The following ATP5MF variants were observed in gnomAD, a reference collection of about 807,000 sequenced individuals.
ATP5MF encodes ATP synthase membrane subunit f.
ATP5MF carries 10 observed loss-of-function variants against 13.8 expected under a neutral mutation model. That is an observed-to-expected ratio of 0.72 (90% confidence interval 0.45 to 1.23). The LOEUF (loss-of-function observed/expected upper bound fraction) is 1.23, where lower values mean the gene tolerates loss of function less well. Ranked by LOEUF, ATP5MF falls within the 50% of genes most tolerant of loss-of-function variation. The pLI, the probability that ATP5MF is intolerant of heterozygous loss-of-function variation, is 0.00. For missense variants in ATP5MF, 122 were observed against 118.2 expected (o/e 1.03, Z -0.15); for synonymous variants, 40 against 45.8 (o/e 0.87, Z 0.51).
chr7:99,464,667 AAAC>A (rs932876271), intron 1 of ATP5MF, among the ~76,000 whole-genome samples: 1 of 151,822 alleles, frequency 6.6e-6, no homozygotes, highest in Non-Finnish European at 1.5e-5. Flanking sequence ...CATCTCAAAA[AAAC>A]AAACCAGAGG....
intron 1 of ATP5MF, among the ~76,000 whole-genome samples, chr7:99,461,916 C>A (rs1483441956): frequency 6.6e-6 from 1 of 150,812 alleles, no homozygotes; most frequent in Non-Finnish European, 1.5e-5. Flanking sequence ...CCTCGGCCCC[C>A]CAAAGTGCTG....
At chr7:99,460,010 A>G in intron 2 of ATP5MF, 76 bp downstream of exon 2, 1 of 1,512,374 alleles carries the variant, frequency 6.6e-7, no homozygotes, top group Non-Finnish European at 8.9e-7. Context: ...TCATTGCCCA[A>G]ATTAATTCAT....
intron 1 of ATP5MF, among the ~76,000 whole-genome samples, chr7:99,463,349 C>T (rs1204906657): frequency 6.6e-6 from 1 of 152,176 alleles, no homozygotes; most frequent in Non-Finnish European, 1.5e-5. Flanking sequence ...TATTTTTAAA[C>T]AATCTTTTTA....
intron 1 of ATP5MF, among the ~76,000 whole-genome samples, chr7:99,465,861 C>T (rs1178492020): frequency 6.6e-6 from 1 of 152,218 alleles, no homozygotes; most frequent in Non-Finnish European, 1.5e-5. Context: ...CCCAAGGCGG[C>T]GCATTCCCAG....
At chr7:99,464,532 G>A (rs1025955746) in intron 1 of ATP5MF, among the ~76,000 whole-genome samples, 2 of 152,042 alleles carry the variant, frequency 1.3e-5, no homozygotes, top group African/African-American at 2.4e-5. Flanking sequence ...GCGGGGTGGC[G>A]GGCGCCTGTA....
chr7:99,460,326 A>C, intron 1 of ATP5MF, 133 bp from the exon 2 acceptor site: 2 of 976,620 alleles, frequency 2.0e-6, no homozygotes, highest in Non-Finnish European at 3.1e-6. Context: ...CACATACACA[A>C]TATTATGAAG....
At chr7:99,459,832 C>A (rs960294339) in intron 2 of ATP5MF, 4 of 469,080 alleles carry the variant, frequency 8.5e-6, no homozygotes, top group African/African-American at 8.0e-5. Context: ...CTTAGGATTT[C>A]TCTAAGACAG....
Position 99,460,275 on chromosome 7 carries a change from A to G in ATP5MF, c.32-82T>C, listed in dbSNP as rs1023249264. 18 of 1,481,162 alleles carry G rather than the reference A, an allele frequency of 1.2e-5. No homozygotes were observed. In the African/African-American group the frequency reaches 1.8e-4, roughly 15 times the overall value. 91.8% of individuals were successfully genotyped at this position (1,481,162 alleles called of 1,614,324 possible). A position where few individuals can be genotyped will look rare whatever the true frequency, so the allele number is the denominator to read the frequency against. On this transcript the variant is annotated intron_variant, in intron 1 of 3. Coordinates refer to ENST00000292475, the MANE Select transcript of ATP5MF (RefSeq NM_004889.5). ...GGCATCCTTTCCTGCCACTGCTTCA[A>G]CTATGCAATAAAGGTGCATAATGCA...
At chr7:99,460,999 T>TG (rs1473634930) in intron 1 of ATP5MF, among the ~76,000 whole-genome samples, 2 of 152,078 alleles carry the variant, frequency 1.3e-5, no homozygotes, top group African/African-American at 4.8e-5. Context: ...CCACTCCAAA[T>TG]GACTGAACGG....
intron 1 of ATP5MF, among the ~76,000 whole-genome samples, chr7:99,463,919 A>C (rs1189192564): frequency 1.3e-5 from 2 of 152,214 alleles, no homozygotes; most frequent in Non-Finnish European, 2.9e-5. Flanking sequence ...CTGCTAATTC[A>C]TATTTCCCTC....
At chr7:99,465,912 C>T (rs991921026) in intron 1 of ATP5MF, among the ~76,000 whole-genome samples, 199 bp downstream of exon 1, 1 of 152,244 alleles carries the variant, frequency 6.6e-6, no homozygotes, top group Non-Finnish European at 1.5e-5. Context: ...CCCTCCACGC[C>T]TAACCCGGTT....
chr7:99,460,766 A>C lies in ATP5MF; in HGVS notation c.32-573T>G, dbSNP rs1432910765. Among the ~76,000 whole-genome samples, 5 of 152,102 alleles carry C rather than the reference A, an allele frequency of 3.3e-5. No homozygotes were observed. In the East Asian group the frequency reaches 9.6e-4, roughly 29 times the overall value. ...GGAAGGAGAGCGGTGTGACGGTGCC[A>C]AGTGTCTCACTCAGACTTGACGCAC... On this transcript the variant is annotated intron_variant, in intron 1 of 3. Coordinates refer to ENST00000292475, the MANE Select transcript of ATP5MF (RefSeq NM_004889.5).
At chr7:99,458,477 G>A (rs559190250) in intron 3 of ATP5MF, 122 bp from the exon 4 acceptor site, 2 of 984,648 alleles carry the variant, frequency 2.0e-6, no homozygotes, top group East Asian at 2.8e-5. Context: ...GATGACCCAT[G>A]ACCCGCCTGC....
Position 99,466,046 on chromosome 7 carries a change from C to T in ATP5MF, c.31+65G>A. On this transcript the variant is annotated intron_variant, in intron 1 of 3. Coordinates refer to ENST00000292475, the MANE Select transcript of ATP5MF (RefSeq NM_004889.5). Reference sequence around the variant, plus strand: ...AGGCAGCTCCGCAGCTTCCTTCTCTCCCAGTGTGGCTCTGGACCCTGGACC... The same window carrying T: ...AGGCAGCTCCGCAGCTTCCTTCTCTTCCAGTGTGGCTCTGGACCCTGGACC... 3.7e-6 allele frequency: 6 copies of T among 1,611,948 alleles called. No homozygotes were observed. The South Asian group carries it at 5.5e-5, about 15-fold the overall frequency.
At position 99,460,601 on chromosome 7, in the gene ATP5MF, CAGAG is replaced by C. The variant is rs146639173; in HGVS notation, c.32-412_32-409del. The C allele has an allele frequency of 8.2e-4, 398 of 482,690 alleles. 3 individuals are homozygous for C. In the East Asian group the frequency reaches 0.02, roughly 24 times the overall value. 29.9% of individuals were successfully genotyped at this position (482,690 alleles called of 1,614,324 possible). A position where few individuals can be genotyped will look rare whatever the true frequency, so the allele number is the denominator to read the frequency against. On this transcript the variant is annotated intron_variant, in intron 1 of 3. Transcript: ENST00000292475. ...TAAAGGAGGGGAGGGGGGATAGACT[CAGAG>C]AGGTTGGGCCACGTGACCAAAGTCA...
intron 1 of ATP5MF, among the ~76,000 whole-genome samples, chr7:99,465,162 G>T (rs1002165619): frequency 4.0e-5 from 6 of 151,894 alleles, no homozygotes; most frequent in African/African-American, 1.5e-4. Context: ...CGGAGGCTGA[G>T]GCTGGAGAAT....
intron 1 of ATP5MF, among the ~76,000 whole-genome samples, chr7:99,462,288 T>TAAAAA (rs755455949): frequency 9.7e-5 from 3 of 30,890 alleles, no homozygotes; most frequent in African/African-American, 2.6e-4. Context: ...CCATCACTAC[T>TAAAAA]AAAAAAAAAA....
At position 99,462,463 on chromosome 7, in the gene ATP5MF, G is replaced by A. The variant is rs530310312; in HGVS notation, c.32-2270C>T. Among the ~76,000 whole-genome samples, 8 of 146,488 alleles carry A rather than the reference G, an allele frequency of 5.5e-5. No individual in the cohort carries two copies. In the East Asian group the frequency reaches 8.4e-4, roughly 15 times the overall value. ...AGCCTGGGTGACAGAGCAAGAATCC[G>A]TGTCAAAAACAAACAAAAACCTAAC... is the stretch of plus-strand genomic sequence containing the variant. On this transcript the variant is annotated intron_variant, in intron 1 of 3. Transcript: ENST00000292475.
At chr7:99,465,143 C>G (rs911175510) in intron 1 of ATP5MF, among the ~76,000 whole-genome samples, 7 of 151,946 alleles carry the variant, frequency 4.6e-5, no homozygotes, top group Admixed American at 3.3e-4. Context: ...GCCTGTAATC[C>G]CAGCTACTCG....
Sources: allele counts gnomAD v4.1 joint callset (sites outside exome capture counted in the v4.1 genomes callset), GRCh38; gene constraint gnomAD v4.1.1; transcripts MANE v1.5; gene names NCBI Gene and HGNC (gene_info 2026-07-23, HGNC 2026-07-21).